The following CADM2 variants were observed in gnomAD, a reference collection of about 807,000 sequenced individuals.
The protein encoded by CADM2 is cell adhesion molecule 2.
In CADM2, 12 loss-of-function variants were observed where a neutral mutation model predicts 49.8. The observed-to-expected ratio is 0.24, with a 90% CI of 0.15 to 0.39. The LOEUF is 0.39. CADM2 is among the 10% of genes least tolerant of loss of function. The pLI is 1.00. For synonymous variants in CADM2, 214 were observed against 175.4 expected (o/e 1.22, Z -1.74); for missense variants, 378 against 492.3 (o/e 0.77, Z 2.20).
rs1553716464 is a variant in CADM2, at chr3:85,384,663, C to A, written c.62-341859C>A. 1.4e-4 allele frequency among the ~76,000 whole-genome samples: 21 copies of A among 145,754 alleles called. 1 individual carries two copies. Among genetic ancestry groups the A allele is most frequent in the Non-Finnish European group, 6.0e-5 (4 of 66,914 alleles). ...TATTATTCTCTGTGTAATATTTTGT[C>A]AAAAAAAATGTGTGTGTGTGTGTGT... On this transcript the variant is annotated intron_variant, in intron 1 of 9. Transcript: ENST00000383699.
At chr3:86,021,729 A>G (rs73136106) in intron 8 of CADM2, among the ~76,000 whole-genome samples, 1,610 of 152,326 alleles carry the variant, frequency 0.011, 23 homozygotes, top group Middle Eastern at 0.068. Flanking sequence ...TTGATTGCAT[A>G]TATGTACCAC....
At chr3:85,385,905 T>C (rs1311296080) in intron 1 of CADM2, 1 of 151,672 alleles carries the variant, frequency 6.6e-6, no homozygotes, top group Admixed American at 6.6e-5. Context: ...CTACTGAGCA[T>C]AGTACACATA....
chr3:85,425,052 A>G (rs1003182542), intron 1 of CADM2, among the ~76,000 whole-genome samples: 1 of 152,200 alleles, frequency 6.6e-6, no homozygotes, highest in Admixed American at 6.5e-5. Context: ...AATTTCTCCA[A>G]ATAAGAGAAA....
chr3:85,406,586 TTCTC>T (rs1258397508), intron 1 of CADM2, among the ~76,000 whole-genome samples: 1 of 152,098 alleles, frequency 6.6e-6, no homozygotes, highest in African/African-American at 2.4e-5. Flanking sequence ...CTTAGTTGAG[TTCTC>T]TCTATGTCTA....
intron 1 of CADM2, among the ~76,000 whole-genome samples, chr3:85,492,895 G>C (rs1170035122): frequency 6.6e-6 from 1 of 152,092 alleles, no homozygotes; most frequent in Non-Finnish European, 1.5e-5. Context: ...AGAATGGTAG[G>C]ATTTGGGCTC....
At chr3:85,153,853 C>T (rs1284170270) in intron 1 of CADM2, among the ~76,000 whole-genome samples, 1 of 152,138 alleles carries the variant, frequency 6.6e-6, no homozygotes, top group Admixed American at 6.5e-5. Context: ...TGGCCTGGTA[C>T]TCCAACAGAC....
At chr3:85,305,797 T>G (rs2044198644) in intron 1 of CADM2, among the ~76,000 whole-genome samples, 1 of 151,714 alleles carries the variant, frequency 6.6e-6, no homozygotes, top group Non-Finnish European at 1.5e-5. Context: ...TAAAACAATT[T>G]ACTTACTTTA....
At chr3:85,503,088 T>A (rs62250752) in intron 1 of CADM2, among the ~76,000 whole-genome samples, 78,208 of 151,980 alleles carry the variant, frequency 0.51, 23,117 homozygotes, top group East Asian at 0.85. Flanking sequence ...TACTTACATA[T>A]ACTCCTAACA....
intron 1 of CADM2, among the ~76,000 whole-genome samples, chr3:85,182,984 T>G (rs534986664): frequency 6.6e-6 from 1 of 152,094 alleles, no homozygotes. Context: ...ATGCAAAAAA[T>G]CAAGTGAATA....
At chr3:85,470,724 G>A (rs956366055) in intron 1 of CADM2, among the ~76,000 whole-genome samples, 1 of 152,230 alleles carries the variant, frequency 6.6e-6, no homozygotes, top group East Asian at 1.9e-4. Flanking sequence ...TTGAAAAACA[G>A]CTAGAGTGGC....
At chr3:85,097,521 G>T (rs1334332625) in intron 1 of CADM2, among the ~76,000 whole-genome samples, 1 of 152,138 alleles carries the variant, frequency 6.6e-6, no homozygotes, top group Non-Finnish European at 1.5e-5. Context: ...ACCCAGCAAT[G>T]GGATGGCCGG....
intron 1 of CADM2, among the ~76,000 whole-genome samples, chr3:85,463,841 C>G (rs543682256): frequency 6.6e-6 from 1 of 152,234 alleles, no homozygotes; most frequent in East Asian, 1.9e-4. Context: ...ACAATTCTGA[C>G]AAAGGACATA....
intron 3 of CADM2, among the ~76,000 whole-genome samples, chr3:85,854,450 T>TA (rs1274904542): frequency 3.9e-5 from 6 of 152,052 alleles, no homozygotes; most frequent in African/African-American, 1.2e-4. Context: ...TATGCAGCCA[T>TA]AAAAAAGGAT....
At chr3:85,069,910 T>C (rs2036660201) in intron 1 of CADM2, among the ~76,000 whole-genome samples, 1 of 152,160 alleles carries the variant, frequency 6.6e-6, no homozygotes, top group South Asian at 2.1e-4. Context: ...TGTGTTGCTA[T>C]TCCTTAGCAG....
At chr3:84,984,371 A>AAC (rs1313551349) in intron 1 of CADM2, among the ~76,000 whole-genome samples, 11 of 143,712 alleles carry the variant, frequency 7.7e-5, no homozygotes, top group African/African-American at 3.1e-4. Context: ...AAAAAAAAAA[A>AAC]AAAAAAAAAA....
intron 5 of CADM2, among the ~76,000 whole-genome samples, chr3:85,893,739 T>G (rs1714804302): frequency 6.6e-6 from 1 of 152,082 alleles, no homozygotes; most frequent in Non-Finnish European, 1.5e-5. Context: ...AGAAGACACA[T>G]GAAAAAATGC....
At chr3:85,290,180 A>G (rs1417569489) in intron 1 of CADM2, among the ~76,000 whole-genome samples, 1 of 151,994 alleles carries the variant, frequency 6.6e-6, no homozygotes, top group Admixed American at 6.6e-5. Context: ...AAGGGGTGAC[A>G]GGCACCTGGA....
At chr3:85,254,449 A>G (rs1480219307) in intron 1 of CADM2, among the ~76,000 whole-genome samples, 2 of 151,994 alleles carry the variant, frequency 1.3e-5, no homozygotes, top group Non-Finnish European at 2.9e-5. Flanking sequence ...ATGGAGTTCT[A>G]GTGGTGGCTG....
intron 1 of CADM2, among the ~76,000 whole-genome samples, chr3:85,366,902 C>T (rs1162352679): frequency 6.6e-6 from 1 of 151,890 alleles, no homozygotes; most frequent in Non-Finnish European, 1.5e-5. Flanking sequence ...TTTTAATCTT[C>T]TATTAGTGCT....
Sources: allele counts gnomAD v4.1 joint callset (sites outside exome capture counted in the v4.1 genomes callset), GRCh38; gene constraint gnomAD v4.1.1; transcripts MANE v1.5; gene names NCBI Gene and HGNC (gene_info 2026-07-23, HGNC 2026-07-21).